The following ENOX1 variants were observed in gnomAD, a reference collection of about 807,000 sequenced individuals.
ENOX1 encodes the protein candidate growth-related and time keeping constitutive hydroquinone (NADH) oxidase.
ENOX1 carries 42 observed loss-of-function variants against 82.5 expected under a neutral mutation model. That is an observed-to-expected ratio of 0.51 (90% CI 0.40 to 0.66). The LOEUF is 0.66. ENOX1 is among the 30% of genes least tolerant of loss of function. The pLI is 0.00. For missense variants in ENOX1, 608 were observed against 811.6 expected, an observed-to-expected ratio of 0.75 and a Z score of 3.05; for synonymous variants, 271 against 282.2, an observed-to-expected ratio of 0.96 and a Z score of 0.40.
chr13:43,493,548 T>G (rs1476910663), intron 2 of ENOX1, among the ~76,000 whole-genome samples: 1 of 152,222 alleles, frequency 6.6e-6, no homozygotes, highest in African/African-American at 2.4e-5. Flanking sequence ...ACCATTCCTT[T>G]GCCTTCTTTT....
At chr13:43,605,045 G>A (rs932500269) in intron 2 of ENOX1, among the ~76,000 whole-genome samples, 4 of 151,996 alleles carry the variant, frequency 2.6e-5, no homozygotes, top group Non-Finnish European at 5.9e-5. Flanking sequence ...CACAGAAATT[G>A]TGTATTTCAC....
intron 1 of ENOX1, among the ~76,000 whole-genome samples, chr13:43,756,491 G>A (rs1175359258): frequency 1.5e-5 from 2 of 132,006 alleles, no homozygotes; most frequent in South Asian, 3.0e-4. Flanking sequence ...GGGAAGGGGA[G>A]GGGAAGGGAG....
intron 1 of ENOX1, among the ~76,000 whole-genome samples, chr13:43,744,045 C>G (rs898063661): frequency 3.3e-5 from 5 of 152,302 alleles, no homozygotes; most frequent in Non-Finnish European, 7.3e-5. Flanking sequence ...AAGATCCCAT[C>G]TCTCAAAACT....
chr13:43,785,851 G>C (rs764172710), intron 1 of ENOX1, among the ~76,000 whole-genome samples: 236 of 152,290 alleles, frequency 1.5e-3, no homozygotes, highest in Non-Finnish European at 2.5e-3. Flanking sequence ...TGGCCGTGCA[G>C]GGGGAGGACG....
chr13:43,289,342 A>G (rs2045875164), intron 12 of ENOX1, among the ~76,000 whole-genome samples: 1 of 152,222 alleles, frequency 6.6e-6, no homozygotes, highest in Non-Finnish European at 1.5e-5. Context: ...CACAGCAACC[A>G]AAACAGCATG....
intron 2 of ENOX1, among the ~76,000 whole-genome samples, chr13:43,521,584 TATAAG>T (rs1343302006): frequency 6.6e-6 from 1 of 152,182 alleles, no homozygotes; most frequent in Admixed American, 6.5e-5. Context: ...TACTGAGCCC[TATAAG>T]ACCACTCTCA....
intron 14 of ENOX1, among the ~76,000 whole-genome samples, chr13:43,244,884 C>A (rs181386557): frequency 1.3e-5 from 2 of 152,286 alleles, no homozygotes; most frequent in Admixed American, 1.3e-4. Flanking sequence ...AGGCCCTACT[C>A]TTAAACATCA....
At chr13:43,223,897 A>C (rs2041908315) in intron 16 of ENOX1, among the ~76,000 whole-genome samples, 156 bp downstream of exon 16, 1 of 152,218 alleles carries the variant, frequency 6.6e-6, no homozygotes, top group Non-Finnish European at 1.5e-5. Context: ...AGAGGAGAAC[A>C]AGCTGCCAAA....
chr13:43,355,962 G>T lies in ENOX1; in HGVS notation c.780C>A (p.His260Gln). Residue 260 changes from histidine (H) to glutamine (Q), a missense_variant, in exon 8 of 17, where the codon CAC becomes CAA. Transcript: ENST00000690772. The part of the protein sequence containing the change: ...LRPPSPPAIM[H>Q]YSEHEAALLA... Reference sequence around the variant, plus strand: ...GCAGAGCGGCTTCGTGCTCCGAGTAGTGCATTATGGCAGGCGGGGATGGGG... The same window carrying T: ...GCAGAGCGGCTTCGTGCTCCGAGTATTGCATTATGGCAGGCGGGGATGGGG... The T allele has an allele frequency of 1.9e-5, 30 of 1,614,110 alleles. No individual in the cohort carries two copies. The highest frequency in any genetic ancestry group is 2.5e-5 in the Non-Finnish European group (30 of 1,180,046).
At chr13:43,466,228 G>C (rs9533502) in intron 3 of ENOX1, among the ~76,000 whole-genome samples, 1 of 151,680 alleles carries the variant, frequency 6.6e-6, no homozygotes. Flanking sequence ...ACTATATGAC[G>C]ATTCAATGGA....
chr13:43,760,542 G>A (rs1950906473), intron 1 of ENOX1, among the ~76,000 whole-genome samples: 2 of 152,212 alleles, frequency 1.3e-5, no homozygotes, highest in African/African-American at 2.4e-5. Context: ...CTGGATCAGT[G>A]ATGCATTCTG....
In ENOX1 at chr13:43,738,059, G is replaced by A. The variant is rs529701619; in HGVS notation, c.-285+48593C>T. On this transcript the variant is annotated intron_variant, in intron 1 of 16. Coordinates refer to ENST00000690772, the MANE Select transcript of ENOX1 (RefSeq NM_001347969.2). ...AATCAGTTTTCTTGAAAAATGATAC[G>A]TAAGTAAAATGTGTATGAAAATGTT... 4.9e-4 allele frequency among the ~76,000 whole-genome samples: 75 copies of A among 152,144 alleles called. No individual in the cohort carries two copies. In the Middle Eastern group the frequency reaches 0.02, roughly 41 times the overall value.
chr13:43,419,628 A>G (rs1441533315), intron 3 of ENOX1, among the ~76,000 whole-genome samples: 2 of 152,184 alleles, frequency 1.3e-5, no homozygotes, highest in African/African-American at 4.8e-5. Flanking sequence ...ACCTACTTCA[A>G]TAACAAAATA....
intron 3 of ENOX1, among the ~76,000 whole-genome samples, chr13:43,467,775 G>C (rs1168336373): frequency 6.6e-6 from 1 of 152,086 alleles, no homozygotes; most frequent in African/African-American, 2.4e-5. Flanking sequence ...TTCCTTATAA[G>C]AATTTCATAG....
rs199727228 is a variant in ENOX1 at position 43,362,218 on chromosome 13, T to C, written c.209-766A>G. On this transcript the variant is annotated intron_variant, in intron 5 of 16. Transcript: ENST00000690772. ...GAAAATAGAAAGTGTGCAAAACAAATGGGTTTTCCAGCTTTTTTTTTTTTT... is the reference window on the plus strand; with the variant it reads ...GAAAATAGAAAGTGTGCAAAACAAACGGGTTTTCCAGCTTTTTTTTTTTTT... Among the ~76,000 whole-genome samples the C allele has an allele frequency of 2.3e-4, 35 of 149,130 alleles. No homozygotes were observed. In the East Asian group the frequency reaches 4.9e-3, roughly 21 times the overall value.
chr13:43,213,304 C>T lies in ENOX1; in HGVS notation c.*686G>A, dbSNP rs1053894141. ...ACTTTATGAAAACTGTTATGCAGTC[C>T]ATGTTAAAAGAACTTATGATGGAGA... On this transcript the variant is annotated 3_prime_UTR_variant, in exon 17 of 17. Transcript: ENST00000690772. Among the ~76,000 whole-genome samples, 9 of 151,906 alleles carry T rather than the reference C, an allele frequency of 5.9e-5. No individual in the cohort carries two copies. The highest frequency in any genetic ancestry group is 2.0e-4 in the Admixed American group (3 of 15,264).
At chr13:43,598,205 GA>G (rs35703508) in intron 2 of ENOX1, among the ~76,000 whole-genome samples, 63,544 of 147,036 alleles carry the variant, frequency 0.43, 15,983 homozygotes, top group East Asian at 0.8. Context: ...GGCCTTTAAA[GA>G]AAAAAAAAAA....
At chr13:43,694,109 A>C (rs2086512077) in intron 1 of ENOX1, among the ~76,000 whole-genome samples, 1 of 152,178 alleles carries the variant, frequency 6.6e-6, no homozygotes, top group Non-Finnish European at 1.5e-5. Flanking sequence ...CTAATTGAGA[A>C]ATAGAGCTGT....
intron 11 of ENOX1, among the ~76,000 whole-genome samples, chr13:43,300,802 T>C (rs2046529219): frequency 6.6e-6 from 1 of 152,128 alleles, no homozygotes; most frequent in African/African-American, 2.4e-5. Flanking sequence ...CTGAAGAGAA[T>C]GAATAAAGGA....
Sources: allele counts gnomAD v4.1 joint callset (sites outside exome capture counted in the v4.1 genomes callset), GRCh38; gene constraint gnomAD v4.1.1; transcripts MANE v1.5; gene names NCBI Gene and HGNC (gene_info 2026-07-23, HGNC 2026-07-21).